C1GALT1: variants seen among roughly 807,000 people sequenced by gnomAD.
The protein encoded by C1GALT1 is core 1 synthase, glycoprotein-N-acetylgalactosamine 3-beta-galactosyltransferase 1.
C1GALT1 carries 11 observed loss-of-function variants against 31.0 expected under a neutral mutation model. That is an observed-to-expected ratio of 0.36 (90% CI 0.22 to 0.59). The LOEUF is 0.59. C1GALT1 is among the 20% of genes least tolerant of loss of function. The pLI, the probability that C1GALT1 is intolerant of heterozygous loss-of-function variation, is 0.79. For synonymous variants in C1GALT1, 175 were observed against 143.6 expected (o/e 1.22, Z -1.56); for missense variants, 424 against 425.2 (o/e 1.00, Z 0.03).
chr7:7,158,616 T>G (rs921542216), intron 2 of C1GALT1, among the ~76,000 whole-genome samples: 2 of 150,804 alleles, frequency 1.3e-5, no homozygotes, highest in Non-Finnish European at 3.0e-5. Context: ...TTTGTATAAA[T>G]GTACAGGTAT....
Position 7,217,775 on chromosome 7 carries a change from A to G in C1GALT1, c.-17-16528A>G, listed in dbSNP as rs552171251. 6.6e-5 allele frequency among the ~76,000 whole-genome samples: 10 copies of G among 152,246 alleles called. No homozygotes were observed. The East Asian group carries it at 1.7e-3, about 26-fold the overall frequency. On this transcript the variant is annotated intron_variant, in intron 1 of 3. Coordinates refer to ENST00000436587, the MANE Select transcript of C1GALT1 (RefSeq NM_020156.5). ...TGCAGCCTTGTCCTGAGCTCACGTG[A>G]TACTCCCACCTTGGCCTCCTAAAAT...
intron 2 of C1GALT1, among the ~76,000 whole-genome samples, chr7:7,164,330 T>A (rs970480251): frequency 3.9e-5 from 6 of 152,164 alleles, no homozygotes; most frequent in Non-Finnish European, 8.8e-5. Context: ...AACATTAATG[T>A]TAACGGGTCT....
chr7:7,218,260 T>G (rs1358794173), intron 1 of C1GALT1, among the ~76,000 whole-genome samples: 4 of 152,142 alleles, frequency 2.6e-5, no homozygotes. Context: ...AAAGGCTCAG[T>G]GTAGGCTTAG....
chr7:7,207,769 C>T (rs750948554), intron 1 of C1GALT1, among the ~76,000 whole-genome samples: 2 of 149,388 alleles, frequency 1.3e-5, no homozygotes, highest in Admixed American at 6.6e-5. Context: ...ATCCCTTCCT[C>T]AGGGTGTGCT....
chr7:7,224,609 T>G (rs1229395710), intron 1 of C1GALT1, among the ~76,000 whole-genome samples: 1 of 152,168 alleles, frequency 6.6e-6, no homozygotes. Flanking sequence ...ATCTAACTTG[T>G]CAAATTTATA....
At chr7:7,189,129 G>A (rs1780946392) in intron 1 of C1GALT1, among the ~76,000 whole-genome samples, 1 of 152,070 alleles carries the variant, frequency 6.6e-6, no homozygotes, top group Non-Finnish European at 1.5e-5. Context: ...TTCCCTATCA[G>A]CACATGTAGA....
chr7:7,198,917 T>C (rs554223019), intron 1 of C1GALT1, among the ~76,000 whole-genome samples: 1 of 152,358 alleles, frequency 6.6e-6, no homozygotes, highest in Admixed American at 6.5e-5. Flanking sequence ...TATTTGATTC[T>C]TCTCTCTTTT....
intron 2 of C1GALT1, among the ~76,000 whole-genome samples, chr7:7,160,537 T>C (rs919462973): frequency 6.6e-6 from 1 of 152,116 alleles, no homozygotes; most frequent in African/African-American, 2.4e-5. Context: ...AGTAGGAAGA[T>C]AGATGCAGAG....
intron 1 of C1GALT1, chr7:7,210,448 G>A (rs10253466): frequency 0.11 from 12,249 of 114,676 alleles, 689 homozygotes; most frequent in East Asian, 0.24. Context: ...GTTTTAAGGA[G>A]CGGAGAGTTT....
At chr7:7,170,531 C>T (rs972730360) in intron 2 of C1GALT1, among the ~76,000 whole-genome samples, 1 of 152,126 alleles carries the variant, frequency 6.6e-6, no homozygotes, top group Non-Finnish European at 1.5e-5. Context: ...GCCTGTAATC[C>T]CAGCACTTTG....
intron 1 of C1GALT1, among the ~76,000 whole-genome samples, chr7:7,193,427 T>C (rs532948115): frequency 2.2e-4 from 34 of 152,266 alleles, no homozygotes; most frequent in African/African-American, 7.9e-4. Flanking sequence ...TTCCCCACTT[T>C]ACGTTTGTGT....
At chr7:7,217,982 C>G (rs1424307078) in intron 1 of C1GALT1, among the ~76,000 whole-genome samples, 1 of 152,180 alleles carries the variant, frequency 6.6e-6, no homozygotes, top group African/African-American at 2.4e-5. Context: ...GAGAAAGACA[C>G]ATGAGCCCAT....
intron 1 of C1GALT1, among the ~76,000 whole-genome samples, chr7:7,193,450 AG>A (rs558423327): frequency 4.5e-4 from 69 of 152,192 alleles, no homozygotes; most frequent in Non-Finnish European, 9.8e-4. Flanking sequence ...GCTTTGTCAA[AG>A]ATCAGTTGGC....
intron 3 of C1GALT1, among the ~76,000 whole-genome samples, chr7:7,243,084 A>G (rs1046408717): frequency 6.6e-6 from 1 of 152,106 alleles, no homozygotes; most frequent in African/African-American, 2.4e-5. Flanking sequence ...GTAGACACCT[A>G]ATGGGCAAGG....
At chr7:7,159,378 A>G (rs1237785947) in intron 2 of C1GALT1, among the ~76,000 whole-genome samples, 1 of 152,148 alleles carries the variant, frequency 6.6e-6, no homozygotes, top group African/African-American at 2.4e-5. Flanking sequence ...AAATACCAAG[A>G]GCAGTAAAAG....
intron 1 of C1GALT1, 70 bp from the exon 2 acceptor site, chr7:7,234,231 TAC>T (rs1783229455): frequency 2.7e-6 from 3 of 1,114,920 alleles, no homozygotes; most frequent in Non-Finnish European, 2.6e-6. Context: ...AGCTAAATGT[TAC>T]CAGAATTTTT....
At chr7:7,226,395 G>T (rs199926429) in intron 1 of C1GALT1, among the ~76,000 whole-genome samples, 16 of 151,792 alleles carry the variant, frequency 1.1e-4, no homozygotes, top group Non-Finnish European at 2.4e-4. Flanking sequence ...GAATTTCAGG[G>T]CTTTATTGTG....
intron 1 of C1GALT1, among the ~76,000 whole-genome samples, chr7:7,205,593 C>T (rs75503272): frequency 0.039 from 5,947 of 152,194 alleles, 270 homozygotes; most frequent in African/African-American, 0.11. Context: ...TGTTCAGACC[C>T]ATGTTGTTCA....
At chr7:7,225,303 A>G (rs753771897) in intron 1 of C1GALT1, among the ~76,000 whole-genome samples, 12 of 152,062 alleles carry the variant, frequency 7.9e-5, no homozygotes, top group Admixed American at 3.9e-4. Context: ...TTTCTTTGCT[A>G]TTTTTACTTC....
Sources: gnomAD v4.1 joint callset for allele counts (sites outside exome capture counted in the v4.1 genomes callset) on GRCh38, gnomAD v4.1.1 for gene constraint, MANE v1.5 for transcripts, NCBI Gene and HGNC (gene_info 2026-07-23, HGNC 2026-07-21) for gene names.